The following MID2 variants were observed in gnomAD, a reference collection of about 807,000 sequenced individuals.
The protein encoded by MID2 is probable E3 ubiquitin-protein ligase MID2.
MID2 carries 13 observed loss-of-function variants against 46.1 expected under a neutral mutation model. The observed-to-expected ratio is 0.28, with a 90% confidence interval of 0.18 to 0.45. The LOEUF is 0.45. Among genes scored for constraint, MID2 ranks in the 20% least tolerant of loss-of-function variants. MID2 has a pLI of 1.00. For missense variants in MID2, 431 were observed against 575.4 expected (o/e 0.75, Z 2.57); for synonymous variants, 199 against 212.3 (o/e 0.94, Z 0.55).
At position 107,916,148 on chromosome X, in the gene MID2, T is replaced by C; in HGVS notation, c.1201+19T>C. On this transcript the variant is annotated intron_variant, in intron 6 of 9. Transcript: ENST00000262843. ...TTAACAGGTGTGAAAATACTGTGCTTTCCTTTCCATTTAATTTTTTTTCTT... is the reference window on the plus strand; with the variant it reads ...TTAACAGGTGTGAAAATACTGTGCTCTCCTTTCCATTTAATTTTTTTTCTT... 1 of 1,094,721 alleles carries C rather than the reference T, an allele frequency of 9.1e-7. No homozygotes were observed. The highest frequency in any genetic ancestry group is 1.2e-6 in the Non-Finnish European group (1 of 835,489). 90.2% of individuals were successfully genotyped at this position (1,094,721 alleles called of 1,213,427 possible). A position where few individuals can be genotyped will look rare whatever the true frequency, so the allele number is the denominator to read the frequency against.
At chrX:107,861,714 T>G in intron 3 of MID2, among the ~76,000 whole-genome samples, 1 of 112,544 alleles carries the variant, frequency 8.9e-6, no homozygotes. Flanking sequence ...TTATTATCCT[T>G]TCGAAGAGCA....
intron 1 of MID2, among the ~76,000 whole-genome samples, chrX:107,831,672 G>A (rs1020894591): frequency 2.7e-5 from 3 of 111,869 alleles, no homozygotes; most frequent in Non-Finnish European, 5.6e-5. Flanking sequence ...TCAATAACAT[G>A]TCTTACATAC....
At chrX:107,905,734 C>A in intron 5 of MID2, 108 bp downstream of exon 5, 2 of 669,703 alleles carry the variant, frequency 3.0e-6, no homozygotes, top group Non-Finnish European at 4.4e-6. Context: ...GAAGATTTTA[C>A]CAGTTAAGTA....
At chrX:107,840,215 G>A (rs1369789247) in intron 1 of MID2, among the ~76,000 whole-genome samples, 9 of 111,061 alleles carry the variant, frequency 8.1e-5, no homozygotes, top group African/African-American at 2.6e-4. Flanking sequence ...TTTAAAATAT[G>A]GCATTGTTTT....
At chrX:107,857,624 T>G (rs1439410443) in intron 3 of MID2, among the ~76,000 whole-genome samples, 2 of 111,899 alleles carry the variant, frequency 1.8e-5, no homozygotes, top group Non-Finnish European at 3.8e-5. Flanking sequence ...GGTTACTTAT[T>G]ATCCTCATTC....
At chrX:107,872,919 G>A (rs1204138187) in intron 3 of MID2, among the ~76,000 whole-genome samples, 1 of 110,790 alleles carries the variant, frequency 9.0e-6, no homozygotes, top group Non-Finnish European at 1.9e-5. Flanking sequence ...TTTCTAACAT[G>A]TAGTAGGGCT....
Position 107,826,269 on chromosome X carries a change from CGGCGGCGAAGGCG to C in MID2, c.-150_-138del. 4.0e-6 allele frequency: 2 copies of C among 503,465 alleles called. No individual in the cohort carries two copies. The highest frequency in any genetic ancestry group is 2.1e-4 in the South Asian group (2 of 9,577). 41.5% of individuals were successfully genotyped at this position (503,465 alleles called of 1,213,427 possible). A position where few individuals can be genotyped will look rare whatever the true frequency, so the allele number is the denominator to read the frequency against. ...GCGGCGTCGGCGACGGTAGCGGCAGCGGCGGCGAAGGCGGGCGGCGGCCTACAGTGGTAGCGGC... is the reference window on the plus strand; with the variant it reads ...GCGGCGTCGGCGACGGTAGCGGCAGCGGCGGCGGCCTACAGTGGTAGCGGC... On this transcript the variant is annotated 5_prime_UTR_variant, in exon 1 of 10. Transcript: ENST00000262843.
At chrX:107,848,007 G>A (rs1349790373) in intron 2 of MID2, among the ~76,000 whole-genome samples, 3 of 111,327 alleles carry the variant, frequency 2.7e-5, no homozygotes, top group Admixed American at 9.6e-5. Context: ...GAGAGCATGG[G>A]GGTTTCTCAG....
At chrX:107,913,162 AT>A (rs1932916140) in intron 5 of MID2, among the ~76,000 whole-genome samples, 2 of 111,939 alleles carry the variant, frequency 1.8e-5, no homozygotes, top group Non-Finnish European at 3.8e-5. Context: ...TTCTATTTAG[AT>A]ATATTTCACA....
intron 1 of MID2, among the ~76,000 whole-genome samples, 156 bp from the exon 2 acceptor site, chrX:107,840,514 G>GAA (rs1931316014): frequency 8.9e-6 from 1 of 112,380 alleles, no homozygotes; most frequent in Non-Finnish European, 1.9e-5. Flanking sequence ...TGAAGGGGAA[G>GAA]AAAGTCTTCC....
intron 3 of MID2, among the ~76,000 whole-genome samples, chrX:107,887,202 A>G (rs1430275342): frequency 1.8e-5 from 2 of 111,746 alleles, no homozygotes; most frequent in Non-Finnish European, 3.8e-5. Context: ...GTCTTGTGCC[A>G]GTTTTCAAAG....
chrX:107,898,903 T>A (rs202031383), intron 3 of MID2, among the ~76,000 whole-genome samples: 1 of 111,428 alleles, frequency 9.0e-6, no homozygotes, highest in Non-Finnish European at 1.9e-5. Context: ...CCTTGCCATA[T>A]AATTATTATT....
chrX:107,898,852 T>C (rs1932767239), intron 3 of MID2, among the ~76,000 whole-genome samples: 1 of 112,255 alleles, frequency 8.9e-6, no homozygotes, highest in African/African-American at 3.2e-5. Context: ...ATTTACTGTG[T>C]AGAGTGGAGA....
At chrX:107,835,545 A>G (rs1443410116) in intron 1 of MID2, among the ~76,000 whole-genome samples, 1 of 111,668 alleles carries the variant, frequency 9.0e-6, no homozygotes, top group African/African-American at 3.3e-5. Flanking sequence ...GTTTTATTAT[A>G]TTTTAGCCTT....
chrX:107,918,983 G>A (rs1280025143), intron 7 of MID2, among the ~76,000 whole-genome samples: 1 of 111,077 alleles, frequency 9.0e-6, no homozygotes, highest in African/African-American at 3.3e-5. Flanking sequence ...ATGGAGCTTA[G>A]AAGTCATCTA....
At chrX:107,887,574 T>C (rs1387524969) in intron 3 of MID2, among the ~76,000 whole-genome samples, 1 of 111,577 alleles carries the variant, frequency 9.0e-6, no homozygotes, top group African/African-American at 3.3e-5. Flanking sequence ...GGGATATTGG[T>C]CTAAAATTCT....
intron 8 of MID2, 70 bp downstream of exon 8, chrX:107,924,574 C>T (rs939390174): frequency 1.9e-6 from 2 of 1,062,027 alleles, no homozygotes; most frequent in East Asian, 3.1e-5. Flanking sequence ...ACAGCCTGAG[C>T]AGGCACTCAC....
In MID2 at chrX:107,931,396, C is replaced by T. The variant is rs1198546938; in HGVS notation, c.*4323C>T. Among the ~76,000 whole-genome samples, 1 of 111,842 alleles carries T rather than the reference C, an allele frequency of 8.9e-6. No homozygotes were observed. Among genetic ancestry groups the T allele is most frequent in the African/African-American group, 3.2e-5 (1 of 30,772 alleles). ...TGCCTTTTATGGTGTAGTCTGCCAG[C>T]TTCAGACATATGCTGTATTGTTGTT... On this transcript the variant is annotated 3_prime_UTR_variant, in exon 10 of 10. Transcript: ENST00000262843.
At chrX:107,896,832 G>A (rs758882085) in intron 3 of MID2, among the ~76,000 whole-genome samples, 16 of 109,580 alleles carry the variant, frequency 1.5e-4, no homozygotes, top group African/African-American at 4.7e-4. Context: ...ACACACACAC[G>A]CACGCATACA....
Sources: allele counts gnomAD v4.1 joint callset (sites outside exome capture counted in the v4.1 genomes callset), GRCh38; gene constraint gnomAD v4.1.1; transcripts MANE v1.5; gene names NCBI Gene and HGNC (gene_info 2026-07-23, HGNC 2026-07-21).